Variants in PRIM2 observed in about 807,000 individuals in gnomAD.
PRIM2 encodes the protein DNA primase subunit 2.
In PRIM2, 39 loss-of-function variants were observed where a neutral mutation model predicts 67.3. The observed-to-expected ratio is 0.58, with a 90% CI of 0.45 to 0.76. The LOEUF (loss-of-function observed/expected upper bound fraction) is 0.76, where lower values mean the gene tolerates loss of function less well. PRIM2 is among the 30% of genes least tolerant of loss of function. The pLI, the probability that PRIM2 is intolerant of heterozygous loss-of-function variation, is 0.00. For synonymous variants in PRIM2, 143 were observed against 198.7 expected (o/e 0.72, Z 2.36); for missense variants, 398 against 598.7 (o/e 0.66, Z 3.50).
intron 13 of PRIM2, among the ~76,000 whole-genome samples, chr6:57,632,949 A>G (rs1777060215): frequency 6.6e-6 from 1 of 152,182 alleles, no homozygotes; most frequent in Non-Finnish European, 1.5e-5. Flanking sequence ...CTGCTTGATT[A>G]TTAGAGTAAG....
Position 57,422,158 on chromosome 6 carries a change from C to CTTTTTTT in PRIM2, c.693+39998_693+40004dup, listed in dbSNP as rs575958629. 5.2e-4 allele frequency among the ~76,000 whole-genome samples: 54 copies of CTTTTTTT among 103,324 alleles called. 5 individuals carry two copies. The highest frequency in any genetic ancestry group is 1.6e-3 in the African/African-American group (47 of 28,944). The allele number at this position is 103,324 out of a possible 152,430, so 67.8% of individuals were successfully genotyped here. ...AAATTCAAAAGTATTTCTTTTCTTT[C>CTTTTTTT]TTTTTTTTTTTTTTGAGATGGAGTC... On this transcript the variant is annotated intron_variant, in intron 7 of 13. Transcript: ENST00000615550.
At chr6:57,625,092 G>A (rs1219422332) in intron 12 of PRIM2, among the ~76,000 whole-genome samples, 2 of 152,278 alleles carry the variant, frequency 1.3e-5, no homozygotes, top group South Asian at 2.1e-4. Context: ...CCCATGACAC[G>A]TGGGAATTAT....
At chr6:57,487,353 T>G (rs1773778460) in intron 7 of PRIM2, among the ~76,000 whole-genome samples, 1 of 152,166 alleles carries the variant, frequency 6.6e-6, no homozygotes, top group South Asian at 2.1e-4. Flanking sequence ...CTCAGGCTCC[T>G]GAGTAGCTGG....
chr6:57,229,494 T>TA, the PRIM2 span, among the ~76,000 whole-genome samples: 16 of 79,700 alleles, frequency 2.0e-4, no homozygotes, highest in South Asian at 4.3e-3. Flanking sequence ...TTTTATTTAT[T>TA]TTTTTTTTTT....
intron 7 of PRIM2, among the ~76,000 whole-genome samples, chr6:57,415,286 C>T (rs1242704387): frequency 3.9e-5 from 6 of 152,132 alleles, no homozygotes; most frequent in African/African-American, 1.4e-4. Context: ...GAATTACAGG[C>T]CTACATCAAA....
At chr6:57,639,624 G>C (rs1582032817) in intron 13 of PRIM2, among the ~76,000 whole-genome samples, 34 of 21,972 alleles carry the variant, frequency 1.5e-3, no homozygotes, top group African/African-American at 3.8e-3. Flanking sequence ...CTGTAAACTA[G>C]AAAGTTTAGA....
At chr6:57,422,794 C>T (rs528818653) in intron 7 of PRIM2, among the ~76,000 whole-genome samples, 3 of 151,850 alleles carry the variant, frequency 2.0e-5, no homozygotes, top group Non-Finnish European at 4.4e-5. Flanking sequence ...CAGAACTCTG[C>T]TTACATTATG....
At chr6:57,501,269 A>G (rs1243660450) in intron 7 of PRIM2, among the ~76,000 whole-genome samples, 5 of 152,044 alleles carry the variant, frequency 3.3e-5, no homozygotes, top group Non-Finnish European at 7.4e-5. Flanking sequence ...ATTTGAGTGG[A>G]TTTACCTTAT....
At chr6:57,375,672 C>A (rs1351442685) in intron 5 of PRIM2, among the ~76,000 whole-genome samples, 1 of 136,222 alleles carries the variant, frequency 7.3e-6, no homozygotes, top group Non-Finnish European at 1.6e-5. Flanking sequence ...CCGCCTCAGC[C>A]TTTTTTTTTT....
At chr6:57,285,258 T>G in the PRIM2 span, among the ~76,000 whole-genome samples, 1 of 152,140 alleles carries the variant, frequency 6.6e-6, no homozygotes, top group African/African-American at 2.4e-5. Flanking sequence ...GAGGGACTCC[T>G]CCCTAACTCA....
intron 10 of PRIM2, among the ~76,000 whole-genome samples, chr6:57,583,643 C>T (rs1776138627): frequency 6.6e-6 from 1 of 151,766 alleles, no homozygotes; most frequent in Non-Finnish European, 1.5e-5. Context: ...CATACGTGTG[C>T]ATGTGTCTTT....
intron 7 of PRIM2, among the ~76,000 whole-genome samples, chr6:57,488,134 G>C (rs1254878361): frequency 6.6e-6 from 1 of 152,108 alleles, no homozygotes; most frequent in Non-Finnish European, 1.5e-5. Flanking sequence ...TTGTTACTAT[G>C]TTCTTTCCAT....
the PRIM2 span, among the ~76,000 whole-genome samples, chr6:57,261,366 A>T: frequency 6.6e-6 from 1 of 152,354 alleles, no homozygotes; most frequent in East Asian, 1.9e-4. Context: ...GGCCGCTGCC[A>T]GAGACAATAC....
At chr6:57,259,318 C>G in the PRIM2 span, among the ~76,000 whole-genome samples, 1 of 151,578 alleles carries the variant, frequency 6.6e-6, no homozygotes, top group African/African-American at 2.4e-5. Flanking sequence ...TGGGGTAGCT[C>G]TGCTCTATAT....
chr6:57,467,365 C>A (rs1287197453), intron 7 of PRIM2, among the ~76,000 whole-genome samples: 3 of 151,962 alleles, frequency 2.0e-5, no homozygotes, highest in Non-Finnish European at 4.4e-5. Flanking sequence ...TTTTTCAACA[C>A]TATTTTTTAA....
chr6:57,448,231 A>T (rs1270967012), intron 7 of PRIM2, among the ~76,000 whole-genome samples: 3 of 152,218 alleles, frequency 2.0e-5, no homozygotes, highest in Admixed American at 2.0e-4. Context: ...TTAAAATGCA[A>T]CCATTTTTAT....
chr6:57,420,495 TC>T (rs2127371402), intron 7 of PRIM2, among the ~76,000 whole-genome samples: 1 of 152,094 alleles, frequency 6.6e-6, no homozygotes, highest in South Asian at 2.1e-4. Context: ...AGAGGGAGAC[TC>T]CATCTCAAAA....
intron 7 of PRIM2, among the ~76,000 whole-genome samples, chr6:57,444,739 G>A (rs5023906): frequency 6.6e-6 from 1 of 152,214 alleles, no homozygotes; most frequent in East Asian, 1.9e-4. Flanking sequence ...ATATATTTAC[G>A]AAGGTTATAA....
intron 7 of PRIM2, among the ~76,000 whole-genome samples, chr6:57,462,729 G>A (rs949654796): frequency 3.3e-5 from 5 of 152,158 alleles, no homozygotes; most frequent in African/African-American, 4.8e-5. Context: ...TATGGCTAAT[G>A]TGCGAGAGTC....
Sources: allele counts gnomAD v4.1 joint callset (sites outside exome capture counted in the v4.1 genomes callset), GRCh38; gene constraint gnomAD v4.1.1; transcripts MANE v1.5; gene names NCBI Gene and HGNC (gene_info 2026-07-23, HGNC 2026-07-21).